Variants in LAPTM4B observed in about 807,000 individuals in gnomAD.
LAPTM4B encodes lysosomal-associated transmembrane protein 4B.
LAPTM4B carries 26 observed loss-of-function variants against 28.5 expected under a neutral mutation model. The ratio of observed to expected loss-of-function variants is 0.91; its 90% CI spans 0.67 to 1.27. The LOEUF (loss-of-function observed/expected upper bound fraction) is 1.27, where lower values mean the gene tolerates loss of function less well. Ranked by LOEUF, LAPTM4B falls within the 50% of genes most tolerant of loss-of-function variation. LAPTM4B has a pLI of 0.00. For synonymous variants in LAPTM4B, 109 were observed against 106.4 expected (o/e 1.02, Z -0.15); for missense variants, 288 against 285.8 (o/e 1.01, Z -0.06).
chr8:97,832,502 C>G (rs1355502360), intron 6 of LAPTM4B, among the ~76,000 whole-genome samples: 1 of 151,980 alleles, frequency 6.6e-6, no homozygotes, highest in African/African-American at 2.4e-5. Context: ...ACTATTTTCC[C>G]ACAGTTCCCA....
intron 1 of LAPTM4B, among the ~76,000 whole-genome samples, chr8:97,782,330 C>A: frequency 8.4e-6 from 1 of 118,608 alleles, no homozygotes; most frequent in Admixed American, 1.0e-4. Context: ...ACTCTATTGC[C>A]CAGGCTGGAG....
chr8:97,821,161 C>T (rs1386650564), intron 5 of LAPTM4B, among the ~76,000 whole-genome samples: 1 of 126,790 alleles, frequency 7.9e-6, no homozygotes, highest in African/African-American at 2.7e-5. Context: ...CATGGTGAAA[C>T]CCTGTCTCTA....
At chr8:97,823,521 T>A (rs1396890299) in intron 5 of LAPTM4B, among the ~76,000 whole-genome samples, 1 of 150,438 alleles carries the variant, frequency 6.6e-6, no homozygotes, top group Admixed American at 6.6e-5. Flanking sequence ...ATTACAGGCA[T>A]GCATCCCAAT....
intron 1 of LAPTM4B, among the ~76,000 whole-genome samples, chr8:97,798,540 A>G (rs2129755476): frequency 6.6e-6 from 1 of 152,184 alleles, no homozygotes; most frequent in Non-Finnish European, 1.5e-5. Flanking sequence ...GAACCAGGGC[A>G]CCTGGACAGG....
At chr8:97,821,615 A>C (rs963448452) in intron 5 of LAPTM4B, among the ~76,000 whole-genome samples, 3 of 151,818 alleles carry the variant, frequency 2.0e-5, no homozygotes, top group Non-Finnish European at 4.4e-5. Context: ...ACGGTTTTGC[A>C]TATGCTCTGC....
chr8:97,813,144 G>A (rs1246335893), intron 2 of LAPTM4B, among the ~76,000 whole-genome samples: 1 of 152,232 alleles, frequency 6.6e-6, no homozygotes, highest in Non-Finnish European at 1.5e-5. Context: ...TAGGCCATCT[G>A]CAAGTTGAGG....
rs535537927 is a variant in LAPTM4B, at chr8:97,812,129, G to T, written c.212-3199G>T. 6.9e-4 allele frequency among the ~76,000 whole-genome samples: 104 copies of T among 151,196 alleles called. 1 individual carries two copies. In the South Asian group the frequency reaches 0.021, roughly 30 times the overall value. ...CCTGGCTCTTTATTTTCATCAATCT[G>T]CCCTCCCATCCTTTCAAAAAAAGTA... On this transcript the variant is annotated intron_variant, in intron 2 of 6. Coordinates refer to ENST00000521545, the MANE Select transcript of LAPTM4B (RefSeq NM_018407.6).
At chr8:97,799,127 C>T (rs952503160) in intron 1 of LAPTM4B, among the ~76,000 whole-genome samples, 1 of 152,044 alleles carries the variant, frequency 6.6e-6, no homozygotes, top group African/African-American at 2.4e-5. Flanking sequence ...ACACATAGGC[C>T]CTAAGATAAA....
chr8:97,798,593 G>A (rs78237260), intron 1 of LAPTM4B, among the ~76,000 whole-genome samples: 1 of 152,068 alleles, frequency 6.6e-6, no homozygotes, highest in African/African-American at 2.4e-5. Flanking sequence ...TAGAGGTAGA[G>A]TGGGTGATAA....
At chr8:97,835,267 G>C (rs1817243249) in intron 6 of LAPTM4B, among the ~76,000 whole-genome samples, 1 of 152,176 alleles carries the variant, frequency 6.6e-6, no homozygotes, top group Non-Finnish European at 1.5e-5. Context: ...GGGGGCTCTT[G>C]CTGGTAGAAA....
chr8:97,800,969 G>A (rs11783164), intron 1 of LAPTM4B, among the ~76,000 whole-genome samples: 67,278 of 151,470 alleles, frequency 0.44, 15,409 homozygotes, highest in East Asian at 0.57. Context: ...AACAAAACAA[G>A]ACTCCATAAG....
chr8:97,784,000 C>G (rs1816365135), intron 1 of LAPTM4B, among the ~76,000 whole-genome samples: 1 of 152,146 alleles, frequency 6.6e-6, no homozygotes, highest in Non-Finnish European at 1.5e-5. Context: ...TTCACCCCTT[C>G]ACAAGCCTGA....
intron 1 of LAPTM4B, 56 bp downstream of exon 1, chr8:97,776,164 G>C: frequency 6.7e-7 from 1 of 1,491,178 alleles, no homozygotes; most frequent in South Asian, 1.2e-5. Flanking sequence ...CCCTAGCTGG[G>C]CTTCTGGCCC....
chr8:97,848,589 G>A (rs1817467005), intron 6 of LAPTM4B, among the ~76,000 whole-genome samples: 2 of 151,992 alleles, frequency 1.3e-5, no homozygotes, highest in South Asian at 4.2e-4. Context: ...GGAGGCTGAA[G>A]TGGGAGGATC....
rs1816966225 is a variant in LAPTM4B, at chr8:97,819,155, T to C, written c.424T>C (p.Tyr142His). 3 of 1,605,828 alleles carry C rather than the reference T, an allele frequency of 1.9e-6. No homozygotes were observed. In the African/African-American group the frequency reaches 4.0e-5, roughly 22 times the overall value. ...YIRQLPPNFP[Y>H]RDDVMSVNPT... The stretch of plus-strand genomic sequence containing the variant: ...TCTTTTGCAGCCTCCTAATTTTCCC[T>C]ACAGAGATGATGTCATGTCAGTGAA... Residue 142 changes from tyrosine (Y) to histidine (H), a missense_variant, in exon 5 of 7, where the codon TAC becomes CAC. Tyr to His is a moderately conservative substitution (Grantham distance 83). Coordinates refer to ENST00000521545, the MANE Select transcript of LAPTM4B (RefSeq NM_018407.6).
intron 1 of LAPTM4B, among the ~76,000 whole-genome samples, chr8:97,777,228 C>A (rs1816236454): frequency 6.9e-6 from 1 of 144,026 alleles, no homozygotes; most frequent in Admixed American, 7.2e-5. Flanking sequence ...CTCACTGCAG[C>A]CTTCGCCTCC....
At chr8:97,802,973 G>C (rs1174231509) in intron 1 of LAPTM4B, among the ~76,000 whole-genome samples, 3 of 151,970 alleles carry the variant, frequency 2.0e-5, no homozygotes, top group Non-Finnish European at 4.4e-5. Flanking sequence ...GGCCGAGGCG[G>C]GTGGATCACG....
Position 97,775,936 on chromosome 8 carries a change from G to C in LAPTM4B, c.-74G>C, listed in dbSNP as rs989041979. The C allele has an allele frequency of 8.8e-6, 13 of 1,469,342 alleles. No homozygotes were observed. The African/African-American group carries it at 1.8e-4, about 20-fold the overall frequency. 91.0% of individuals were successfully genotyped at this position (1,469,342 alleles called of 1,614,324 possible). A position where few individuals can be genotyped will look rare whatever the true frequency, so the allele number is the denominator to read the frequency against. On this transcript the variant is annotated 5_prime_UTR_variant, in exon 1 of 7. Transcript: ENST00000521545. ...CGGCGGAGGAGCCGGCAGCAGCGGCGCGGCGGGCTCCAGGCGAGGCGGTCG... is the reference window on the plus strand; with the variant it reads ...CGGCGGAGGAGCCGGCAGCAGCGGCCCGGCGGGCTCCAGGCGAGGCGGTCG...
intron 1 of LAPTM4B, among the ~76,000 whole-genome samples, chr8:97,786,176 G>A (rs1056544813): frequency 3.3e-5 from 5 of 152,104 alleles, no homozygotes. Context: ...AGCTTTTGGA[G>A]ACTGAATGAG....
Sources: gnomAD v4.1 joint callset for allele counts (sites outside exome capture counted in the v4.1 genomes callset) on GRCh38, gnomAD v4.1.1 for gene constraint, MANE v1.5 for transcripts, NCBI Gene and HGNC (gene_info 2026-07-23, HGNC 2026-07-21) for gene names.